Variants in TENM2 observed in about 807,000 individuals in gnomAD.
The protein encoded by TENM2 is teneurin transmembrane protein 2.
TENM2 carries 52 observed loss-of-function variants against 245.2 expected under a neutral mutation model. That is an observed-to-expected ratio of 0.21 (90% CI 0.17 to 0.27). The LOEUF (loss-of-function observed/expected upper bound fraction) is 0.27. TENM2 is among the 10% of genes least tolerant of loss of function. The pLI is 1.00. For synonymous variants in TENM2, 1,363 were observed against 1,438.9 expected (o/e 0.95, Z 1.19); for missense variants, 3,046 against 3,666.8 (o/e 0.83, Z 4.37).
chr5:168,183,388 A>C lies in TENM2; in HGVS notation c.2570-6949A>C, dbSNP rs547948511. ...TATAGCCAGGGGCCCAGCACAAAAA[A>C]AAAAATGCCCTTTGACTGGGGTGCT... On this transcript the variant is annotated intron_variant, in intron 13 of 28. Transcript: ENST00000518659. 5.3e-5 allele frequency among the ~76,000 whole-genome samples: 8 copies of C among 152,280 alleles called. No individual in the cohort carries two copies. The South Asian group carries it at 1.7e-3, about 32-fold the overall frequency.
the TENM2 span, among the ~76,000 whole-genome samples, chr5:167,155,239 TATC>T: frequency 6.6e-6 from 1 of 152,238 alleles, no homozygotes; most frequent in Non-Finnish European, 1.5e-5. Context: ...CATGTTAAGA[TATC>T]ATTATGCTTT....
intron 3 of TENM2, among the ~76,000 whole-genome samples, chr5:167,895,219 TC>T (rs943448657): frequency 1.3e-5 from 2 of 152,022 alleles, no homozygotes; most frequent in South Asian, 2.1e-4. Flanking sequence ...CCTCTTCCTC[TC>T]CCCCTCCTCC....
chr5:167,261,148 TG>T, the TENM2 span, among the ~76,000 whole-genome samples: 1 of 151,944 alleles, frequency 6.6e-6, no homozygotes, highest in Admixed American at 6.6e-5. Context: ...GCTCTGGGAG[TG>T]GAGGGCAGTC....
intron 2 of TENM2, among the ~76,000 whole-genome samples, chr5:167,593,706 T>C (rs956412653): frequency 6.6e-6 from 1 of 152,222 alleles, no homozygotes; most frequent in Non-Finnish European, 1.5e-5. Context: ...TACTCCATTC[T>C]TTGGGTCTGT....
intron 2 of TENM2, among the ~76,000 whole-genome samples, chr5:167,788,899 C>T (rs1764757319): frequency 6.6e-6 from 1 of 152,126 alleles, no homozygotes; most frequent in Admixed American, 6.5e-5. Flanking sequence ...GATGCAGGTA[C>T]TAGGAAAGTG....
the TENM2 span, among the ~76,000 whole-genome samples, chr5:167,218,426 C>T: frequency 3.3e-5 from 5 of 152,052 alleles, no homozygotes; most frequent in East Asian, 9.7e-4. Context: ...ATTAGGTAGG[C>T]TCAAAAAGTT....
intron 2 of TENM2, among the ~76,000 whole-genome samples, chr5:167,453,067 T>C (rs924041553): frequency 2.7e-5 from 4 of 149,810 alleles, no homozygotes; most frequent in Non-Finnish European, 5.9e-5. Flanking sequence ...GCATGTCAGA[T>C]TTCCATGGAT....
intron 14 of TENM2, among the ~76,000 whole-genome samples, chr5:168,193,324 T>C (rs1761117618): frequency 6.6e-6 from 1 of 152,204 alleles, no homozygotes; most frequent in South Asian, 2.1e-4. Flanking sequence ...AAATTCAAGA[T>C]TTCTAAAAGG....
At chr5:167,378,217 CA>C (rs1561907941) in intron 2 of TENM2, among the ~76,000 whole-genome samples, 2 of 152,138 alleles carry the variant, frequency 1.3e-5, no homozygotes. Flanking sequence ...AGTGTATATT[CA>C]GTCTGCAAAG....
intron 2 of TENM2, among the ~76,000 whole-genome samples, chr5:167,618,405 C>G (rs1005437799): frequency 5.3e-5 from 8 of 152,108 alleles, no homozygotes; most frequent in Non-Finnish European, 7.4e-5. Context: ...TTATCAACAC[C>G]GGAGATGCAT....
the TENM2 span, among the ~76,000 whole-genome samples, chr5:167,259,482 G>A: frequency 6.6e-6 from 1 of 152,114 alleles, no homozygotes; most frequent in Non-Finnish European, 1.5e-5. Flanking sequence ...GCCAGATATG[G>A]CTATAGGGAT....
At chr5:167,711,313 A>G (rs914250211) in intron 2 of TENM2, among the ~76,000 whole-genome samples, 3 of 152,224 alleles carry the variant, frequency 2.0e-5, no homozygotes, top group African/African-American at 4.8e-5. Flanking sequence ...TAATTCTCAT[A>G]TATCGAGTAT....
At chr5:167,299,320 C>T (rs1755166707) in intron 1 of TENM2, among the ~76,000 whole-genome samples, 1 of 152,190 alleles carries the variant, frequency 6.6e-6, no homozygotes, top group Non-Finnish European at 1.5e-5. Context: ...AAAGAAATGA[C>T]TGCAGTGGCC....
chr5:167,340,858 C>T (rs924019008), intron 1 of TENM2, among the ~76,000 whole-genome samples: 1 of 152,132 alleles, frequency 6.6e-6, no homozygotes, highest in African/African-American at 2.4e-5. Context: ...AGACTTATTC[C>T]CCAGAATATT....
intron 6 of TENM2, 45 bp from the exon 9 acceptor site, chr5:168,062,015 C>T: frequency 6.6e-7 from 1 of 1,524,118 alleles, no homozygotes. Flanking sequence ...GCCAACTAAT[C>T]TATACACGTC....
chr5:168,215,618 G>A (rs1004485140), intron 21 of TENM2, among the ~76,000 whole-genome samples: 1 of 152,216 alleles, frequency 6.6e-6, no homozygotes, highest in African/African-American at 2.4e-5. Flanking sequence ...GCAGTGAGCC[G>A]AGATCGCGCC....
chr5:167,321,897 C>T (rs1474621014), intron 1 of TENM2, among the ~76,000 whole-genome samples: 1 of 146,814 alleles, frequency 6.8e-6, no homozygotes, highest in Non-Finnish European at 1.5e-5. Flanking sequence ...TTGCAGATCT[C>T]GGCTCACTGC....
chr5:167,678,969 C>A (rs1756523500), intron 2 of TENM2, among the ~76,000 whole-genome samples: 1 of 152,064 alleles, frequency 6.6e-6, no homozygotes, highest in African/African-American at 2.4e-5. Flanking sequence ...TTTATTCTCG[C>A]CATGATGACT....
chr5:167,713,931 C>T (rs1759081322), intron 2 of TENM2, among the ~76,000 whole-genome samples: 2 of 152,178 alleles, frequency 1.3e-5, no homozygotes, highest in African/African-American at 4.8e-5. Flanking sequence ...TATCTCTACT[C>T]ACAAGGTCTG....
Sources: allele counts gnomAD v4.1 joint callset (sites outside exome capture counted in the v4.1 genomes callset), GRCh38; gene constraint gnomAD v4.1.1; transcripts MANE v1.5; gene names NCBI Gene and HGNC (gene_info 2026-07-23, HGNC 2026-07-21).